Variants in RHEX observed in about 807,000 individuals in gnomAD.
RHEX encodes the protein regulator of hemoglobinization and erythroid cell expansion protein.
RHEX carries 18 observed loss-of-function variants against 20.1 expected under a neutral mutation model. That is an observed-to-expected ratio of 0.90 (90% CI 0.62 to 1.33). The LOEUF is 1.33. Ranked by LOEUF, RHEX falls within the 40% of genes most tolerant of loss-of-function variation. RHEX has a pLI of 0.00. For synonymous variants in RHEX, 87 were observed against 77.1 expected (o/e 1.13, Z -0.67); for missense variants, 192 against 214.3 (o/e 0.90, Z 0.65).
chr1:206,084,232 T>A (rs1662791333), intron 1 of RHEX, among the ~76,000 whole-genome samples: 1 of 152,100 alleles, frequency 6.6e-6, no homozygotes, highest in Non-Finnish European at 1.5e-5. Flanking sequence ...TAAAATTTTA[T>A]GAATAGAGGT....
chr1:206,096,786 T>TTTG lies in RHEX; in HGVS notation c.-96-945_-96-944insGTT, dbSNP rs1663080836. Among the ~76,000 whole-genome samples, 3 of 149,016 alleles carry TTTG rather than the reference T, an allele frequency of 2.0e-5. No homozygotes were observed. The East Asian group carries it at 6.0e-4, about 30-fold the overall frequency. On this transcript the variant is annotated intron_variant, in intron 1 of 5. Coordinates refer to ENST00000331555, the MANE Select transcript of RHEX (RefSeq NM_001007544.4). ...CCCTGTTTTTTTTTTTTTTGGTTTT[T>TTTG]TTTTTTGAGACAGGGTCTTGCTCTG...
chr1:206,056,761 G>C (rs1662201980), intron 1 of RHEX, among the ~76,000 whole-genome samples: 1 of 152,162 alleles, frequency 6.6e-6, no homozygotes, highest in Non-Finnish European at 1.5e-5. Flanking sequence ...TTGATAGTAA[G>C]CAGCATGGAT....
chr1:206,068,398 A>G (rs1357285954), intron 1 of RHEX, among the ~76,000 whole-genome samples: 1 of 152,220 alleles, frequency 6.6e-6, no homozygotes, highest in Non-Finnish European at 1.5e-5. Context: ...TTTCACTACC[A>G]CAAACCTCAG....
intron 1 of RHEX, among the ~76,000 whole-genome samples, chr1:206,064,166 G>A (rs782011400): frequency 1.0e-3 from 145 of 142,356 alleles, no homozygotes; most frequent in Non-Finnish European, 1.4e-3. Flanking sequence ...CAGCCGCCCC[G>A]TCTGAGAAGT....
chr1:206,054,237 A>G (rs1178939392), intron 1 of RHEX, among the ~76,000 whole-genome samples: 1 of 152,194 alleles, frequency 6.6e-6, no homozygotes, highest in Non-Finnish European at 1.5e-5. Context: ...AATGTTTGTA[A>G]TAAGTCAGAA....
At chr1:206,055,695 G>T (rs902535667) in intron 1 of RHEX, among the ~76,000 whole-genome samples, 3 of 152,248 alleles carry the variant, frequency 2.0e-5, no homozygotes, top group Admixed American at 6.5e-5. Context: ...CAACAGCAAT[G>T]AGCTTTTCAT....
At chr1:206,082,013 G>A (rs1553285963) in intron 1 of RHEX, among the ~76,000 whole-genome samples, 1 of 152,132 alleles carries the variant, frequency 6.6e-6, no homozygotes, top group Non-Finnish European at 1.5e-5. Flanking sequence ...GCCCAGTTAG[G>A]AAATCACTCC....
At chr1:206,084,232 T>C (rs1662791333) in intron 1 of RHEX, among the ~76,000 whole-genome samples, 1 of 152,100 alleles carries the variant, frequency 6.6e-6, no homozygotes, top group Non-Finnish European at 1.5e-5. Flanking sequence ...TAAAATTTTA[T>C]GAATAGAGGT....
intron 1 of RHEX, among the ~76,000 whole-genome samples, chr1:206,095,147 A>ATGGT: frequency 6.6e-6 from 1 of 152,246 alleles, no homozygotes; most frequent in African/African-American, 2.4e-5. Flanking sequence ...ATCAAGGGCA[A>ATGGT]TGGTAGGAAT....
intron 1 of RHEX, among the ~76,000 whole-genome samples, chr1:206,055,281 G>A (rs1300844995): frequency 6.6e-6 from 1 of 152,272 alleles, no homozygotes; most frequent in Non-Finnish European, 1.5e-5. Context: ...ATTCCTTGGA[G>A]ACCTGAAGGG....
At chr1:206,089,131 A>G (rs536739632) in intron 1 of RHEX, among the ~76,000 whole-genome samples, 2 of 152,132 alleles carry the variant, frequency 1.3e-5, no homozygotes, top group East Asian at 1.9e-4. Context: ...TTTTATTTTC[A>G]TATTGAAAAT....
chr1:206,063,917 G>T, intron 1 of RHEX, among the ~76,000 whole-genome samples: 1 of 151,470 alleles, frequency 6.6e-6, no homozygotes, highest in East Asian at 2.0e-4. Context: ...GAGCGTCTCT[G>T]CCCGGCCGCC....
chr1:206,094,349 T>TAG (rs1663024819), intron 1 of RHEX, among the ~76,000 whole-genome samples: 3 of 152,346 alleles, frequency 2.0e-5, no homozygotes, highest in African/African-American at 7.2e-5. Context: ...CCTTGGATCT[T>TAG]ATCTCCAAAC....
At chr1:206,068,513 G>C (rs1227637158) in intron 1 of RHEX, among the ~76,000 whole-genome samples, 1 of 152,144 alleles carries the variant, frequency 6.6e-6, no homozygotes, top group Non-Finnish European at 1.5e-5. Flanking sequence ...GCAGAAATAA[G>C]GGGGAAGTGG....
intron 1 of RHEX, among the ~76,000 whole-genome samples, chr1:206,079,873 A>G (rs548428293): frequency 6.6e-6 from 1 of 152,248 alleles, no homozygotes; most frequent in African/African-American, 2.4e-5. Flanking sequence ...AATATTTAGC[A>G]GCTATTGCAA....
intron 1 of RHEX, among the ~76,000 whole-genome samples, chr1:206,084,747 T>G (rs1553286274): frequency 6.6e-6 from 1 of 152,114 alleles, no homozygotes; most frequent in Non-Finnish European, 1.5e-5. Flanking sequence ...AAAATGAAAA[T>G]CTGGGGTCCC....
At chr1:206,098,028 T>C in intron 2 of RHEX, 53 bp from the exon 3 acceptor site, 1 of 1,413,100 alleles carries the variant, frequency 7.1e-7, no homozygotes, top group Admixed American at 1.7e-5. Flanking sequence ...AGGTTTGCAA[T>C]TGTATTCACA....
chr1:206,072,896 A>G (rs1369252329), intron 1 of RHEX, among the ~76,000 whole-genome samples: 1 of 139,616 alleles, frequency 7.2e-6, no homozygotes, highest in Non-Finnish European at 1.5e-5. Context: ...CAGTGGTGTG[A>G]TCACAGCTCA....
intron 1 of RHEX, among the ~76,000 whole-genome samples, chr1:206,071,966 A>C (rs782183299): frequency 2.0e-5 from 3 of 152,242 alleles, no homozygotes; most frequent in African/African-American, 4.8e-5. Context: ...GGACTAAATC[A>C]GTAGGCGTAT....
Sources: gnomAD v4.1 joint callset for allele counts (sites outside exome capture counted in the v4.1 genomes callset) on GRCh38, gnomAD v4.1.1 for gene constraint, MANE v1.5 for transcripts, NCBI Gene and HGNC (gene_info 2026-07-23, HGNC 2026-07-21) for gene names.